ACYP2: variants seen among roughly 807,000 people sequenced by gnomAD.
ACYP2 encodes acylphosphatase 2.
Under a neutral mutation model 11.2 loss-of-function variants are expected in ACYP2, and 12 were observed. That is an observed-to-expected ratio of 1.08 (90% CI 0.69 to 1.74). The LOEUF is 1.74. Among genes scored for constraint, ACYP2 ranks in the 40% most tolerant of loss-of-function variants. The pLI is 0.00. For missense variants in ACYP2, 134 were observed against 101.9 expected (o/e 1.31, Z -1.35); for synonymous variants, 43 against 32.2 (o/e 1.33, Z -1.13).
intron 6 of ACYP2, among the ~76,000 whole-genome samples, chr2:54,297,118 T>A (rs1465585238): frequency 6.6e-6 from 1 of 152,010 alleles, no homozygotes; most frequent in Non-Finnish European, 1.5e-5. Flanking sequence ...TTTTCCTGTT[T>A]TTTTTTTTCA....
chr2:54,174,663 G>A (rs1683361598), intron 6 of ACYP2, among the ~76,000 whole-genome samples: 1 of 152,140 alleles, frequency 6.6e-6, no homozygotes, highest in Non-Finnish European at 1.5e-5. Flanking sequence ...CTGTGGGTTT[G>A]TTACAAATAG....
At chr2:54,162,585 C>T (rs1349722015) in intron 6 of ACYP2, among the ~76,000 whole-genome samples, 2 of 152,084 alleles carry the variant, frequency 1.3e-5, no homozygotes, top group African/African-American at 4.8e-5. Context: ...ATCAGAAACC[C>T]TGGGGATGGG....
In ACYP2 at chr2:54,119,051, CTTTTTTTTTTTTT is replaced by C. The variant is rs10542497; in HGVS notation, c.278-16382_278-16370del. ...GAAGTGGGATTTGAATCTTAGTAGT[CTTTTTTTTTTTTT>C]TTTTTTTTTTTTTTTTTTTAACAGG... On this transcript the variant is annotated intron_variant, in intron 4 of 6. Coordinates refer to ENST00000607452, the MANE Select transcript of ACYP2 (RefSeq NM_001320586.2). Among the ~76,000 whole-genome samples the C allele has an allele frequency of 5.3e-4, 23 of 43,774 alleles. 1 individual carries two copies. The highest frequency in any genetic ancestry group is 1.5e-3 in the African/African-American group (14 of 9,480). 28.7% of individuals were successfully genotyped at this position (43,774 alleles called of 152,430 possible).
At chr2:54,201,626 T>TTCTC (rs1210281198) in intron 6 of ACYP2, among the ~76,000 whole-genome samples, 1 of 102,514 alleles carries the variant, frequency 9.8e-6, no homozygotes, top group Non-Finnish European at 1.9e-5. Context: ...CTTTCTTTGT[T>TTCTC]TCTTTCTTTC....
At chr2:54,004,719 A>AT (rs899642955) in intron 2 of ACYP2, among the ~76,000 whole-genome samples, 5 of 151,456 alleles carry the variant, frequency 3.3e-5, no homozygotes, top group African/African-American at 9.7e-5. Context: ...CAGTTTACCC[A>AT]TTTTTTTAAA....
At chr2:54,224,947 G>A (rs1447338528) in intron 6 of ACYP2, among the ~76,000 whole-genome samples, 1 of 152,212 alleles carries the variant, frequency 6.6e-6, no homozygotes, top group Non-Finnish European at 1.5e-5. Context: ...AGAAAGGAAA[G>A]CAAGGTTGCT....
rs1402481874 is a variant in ACYP2, at chr2:54,201,622, T to TTCCTTC, written c.404+62875_404+62876insCCTTCT. On this transcript the variant is annotated intron_variant, in intron 6 of 6. Transcript: ENST00000607452. ...TTTCTTTCTTTCTTTCTTTCTTTCT[T>TTCCTTC]TGTTTCTTTCTTTCTCTTTCTTTCT... 2.8e-5 allele frequency among the ~76,000 whole-genome samples: 3 copies of TTCCTTC among 105,552 alleles called. No homozygotes were observed. In the East Asian group the frequency reaches 9.1e-4, roughly 32 times the overall value. 69.2% of individuals were successfully genotyped at this position (105,552 alleles called of 152,430 possible).
intron 6 of ACYP2, among the ~76,000 whole-genome samples, chr2:54,278,629 T>G (rs899525049): frequency 1.3e-5 from 2 of 152,190 alleles, no homozygotes; most frequent in African/African-American, 4.8e-5. Context: ...TTTTATGACA[T>G]AGACAGTTTG....
intron 6 of ACYP2, among the ~76,000 whole-genome samples, chr2:54,247,575 ATATT>A (rs960499313): frequency 1.3e-5 from 2 of 152,212 alleles, no homozygotes; most frequent in African/African-American, 2.4e-5. Flanking sequence ...AATTGTCATA[ATATT>A]TATTATATTT....
rs140547484 is a variant in ACYP2, at chr2:54,149,764, T to A, written c.404+11016T>A. ...ATCAGTCCTCTGCACTTCAAAGGAT[T>A]ATTAAAGGACTGGTATATGTATATA... On this transcript the variant is annotated intron_variant, in intron 6 of 6. Transcript: ENST00000607452. 4.6e-5 allele frequency among the ~76,000 whole-genome samples: 7 copies of A among 152,314 alleles called. No individual in the cohort carries two copies. In the East Asian group the frequency reaches 1.3e-3, roughly 29 times the overall value.
intron 2 of ACYP2, among the ~76,000 whole-genome samples, chr2:54,039,032 C>T (rs2104561203): frequency 6.6e-6 from 1 of 151,802 alleles, no homozygotes; most frequent in East Asian, 1.9e-4. Context: ...ACAGCTAGTA[C>T]AAAGGTCCTG....
At chr2:54,208,432 G>C (rs1685171901) in intron 6 of ACYP2, among the ~76,000 whole-genome samples, 1 of 152,094 alleles carries the variant, frequency 6.6e-6, no homozygotes, top group Non-Finnish European at 1.5e-5. Flanking sequence ...GTGGGTGTGG[G>C]AGCCGGGGGT....
intron 4 of ACYP2, among the ~76,000 whole-genome samples, chr2:54,071,429 G>C (rs1677037263): frequency 6.6e-6 from 1 of 151,808 alleles, no homozygotes; most frequent in Non-Finnish European, 1.5e-5. Context: ...AACAAGTTTG[G>C]CAAGGTTGCA....
At chr2:54,220,659 A>C (rs573676120) in intron 6 of ACYP2, among the ~76,000 whole-genome samples, 1 of 152,344 alleles carries the variant, frequency 6.6e-6, no homozygotes, top group African/African-American at 2.4e-5. Flanking sequence ...GATTCAATTG[A>C]AACACATAAA....
chr2:54,166,618 C>G (rs902260346), intron 6 of ACYP2, among the ~76,000 whole-genome samples: 5 of 152,158 alleles, frequency 3.3e-5, no homozygotes, highest in African/African-American at 1.2e-4. Context: ...TGAAATATGC[C>G]AAGCACAGGA....
intron 6 of ACYP2, among the ~76,000 whole-genome samples, chr2:54,296,066 G>T (rs532462704): frequency 6.6e-6 from 1 of 152,138 alleles, no homozygotes; most frequent in Non-Finnish European, 1.5e-5. Flanking sequence ...GCCTGATCCT[G>T]CCACCTTCTT....
At chr2:54,149,070 A>T (rs1373472574) in intron 6 of ACYP2, among the ~76,000 whole-genome samples, 3 of 152,218 alleles carry the variant, frequency 2.0e-5, no homozygotes, top group Non-Finnish European at 4.4e-5. Flanking sequence ...GGGCAACATG[A>T]TGAAACCCCA....
intron 4 of ACYP2, among the ~76,000 whole-genome samples, chr2:54,104,518 T>A (rs151220151): frequency 2.2e-4 from 34 of 152,342 alleles, no homozygotes; most frequent in African/African-American, 7.9e-4. Flanking sequence ...ACATTTTTGA[T>A]GTAGTTAGAT....
chr2:54,014,125 T>C (rs1454366993), intron 2 of ACYP2, among the ~76,000 whole-genome samples: 1 of 150,744 alleles, frequency 6.6e-6, no homozygotes, highest in African/African-American at 2.4e-5. Flanking sequence ...ACTGTTGCAC[T>C]CCAGCCTGGC....
Sources: gnomAD v4.1 joint callset for allele counts (sites outside exome capture counted in the v4.1 genomes callset) on GRCh38, gnomAD v4.1.1 for gene constraint, MANE v1.5 for transcripts, NCBI Gene and HGNC (gene_info 2026-07-23, HGNC 2026-07-21) for gene names.